The following SLC35F4 variants were observed in gnomAD, a reference collection of about 807,000 sequenced individuals.
The protein encoded by SLC35F4 is chromosome 14 open reading frame 36.
Under a neutral mutation model 44.2 loss-of-function variants are expected in SLC35F4, and 24 were observed. The observed-to-expected ratio is 0.54, with a 90% CI of 0.39 to 0.76. The LOEUF (loss-of-function observed/expected upper bound fraction) is 0.76, where lower values mean the gene tolerates loss of function less well. Among genes scored for constraint, SLC35F4 ranks in the 30% least tolerant of loss-of-function variants. The probability of loss-of-function intolerance (pLI) is 0.00; values close to 1 mark genes in which losing one functional copy is unlikely to be tolerated. For missense variants in SLC35F4, 562 were observed against 586.1 expected, an observed-to-expected ratio of 0.96 and a Z score of 0.42; for synonymous variants, 238 against 223.6, an observed-to-expected ratio of 1.06 and a Z score of -0.57.
chr14:57,866,694 G>C (rs1280054839), upstream of SLC35F4, among the ~76,000 whole-genome samples: 1 of 152,138 alleles, frequency 6.6e-6, no homozygotes, highest in Non-Finnish European at 1.5e-5. Flanking sequence ...CAAATGCTCT[G>C]AGGAGAAATG....
chr14:57,881,955 G>A (rs1178093035), intron 1 of SLC35F4, among the ~76,000 whole-genome samples: 1 of 152,122 alleles, frequency 6.6e-6, no homozygotes, highest in Non-Finnish European at 1.5e-5. Context: ...AAGAAGTTTA[G>A]CTTGCATAAT....
At chr14:57,953,198 G>T (rs1890173133) in intron 1 of SLC35F4, among the ~76,000 whole-genome samples, 1 of 152,070 alleles carries the variant, frequency 6.6e-6, no homozygotes, top group South Asian at 2.1e-4. Flanking sequence ...CATAAGCGAA[G>T]GAAAACTAAA....
At chr14:57,570,089 T>C (rs1240669806) in intron 5 of SLC35F4, 109 bp from the exon 6 acceptor site, 1 of 1,039,906 alleles carries the variant, frequency 9.6e-7, no homozygotes, top group Non-Finnish European at 1.3e-6. Flanking sequence ...TATTCTCCAT[T>C]TCTTCTTGCC....
At chr14:57,902,895 G>A (rs779532501) in intron 1 of SLC35F4, among the ~76,000 whole-genome samples, 4 of 151,960 alleles carry the variant, frequency 2.6e-5, no homozygotes, top group Non-Finnish European at 4.4e-5. Context: ...TTCTTAAATG[G>A]GACCCCATCA....
intron 1 of SLC35F4, among the ~76,000 whole-genome samples, chr14:57,694,185 C>T (rs533834620): frequency 6.6e-6 from 1 of 152,256 alleles, no homozygotes; most frequent in South Asian, 2.1e-4. Flanking sequence ...ACCTCTACCT[C>T]CAAGTATAAT....
At chr14:57,861,955 T>C (rs1231040542) in intron 1 of SLC35F4, among the ~76,000 whole-genome samples, 2 of 152,210 alleles carry the variant, frequency 1.3e-5, no homozygotes, top group East Asian at 3.8e-4. Flanking sequence ...ACCCAAGTAC[T>C]GGCAAATCCT....
intron 1 of SLC35F4, among the ~76,000 whole-genome samples, chr14:57,614,488 A>G (rs577989053): frequency 3.3e-5 from 5 of 152,364 alleles, no homozygotes; most frequent in Non-Finnish European, 7.3e-5. Flanking sequence ...AAGCTGATAC[A>G]TGGTGAGGTT....
chr14:57,588,605 C>A (rs1056539619), intron 3 of SLC35F4, among the ~76,000 whole-genome samples: 2 of 152,166 alleles, frequency 1.3e-5, no homozygotes, highest in African/African-American at 4.8e-5. Flanking sequence ...TTAAGCCCAA[C>A]CACCACTGTT....
chr14:57,964,495 T>A (rs1890397526), intron 1 of SLC35F4, among the ~76,000 whole-genome samples: 2 of 152,222 alleles, frequency 1.3e-5, no homozygotes, highest in African/African-American at 4.8e-5. Flanking sequence ...ATATGGAACC[T>A]ACTTTTCTAA....
At chr14:57,771,633 G>A (rs1442926476) in intron 1 of SLC35F4, among the ~76,000 whole-genome samples, 2 of 151,934 alleles carry the variant, frequency 1.3e-5, no homozygotes, top group African/African-American at 4.8e-5. Flanking sequence ...TCGCTCTATT[G>A]CCCAGGCTGG....
intron 1 of SLC35F4, among the ~76,000 whole-genome samples, chr14:57,637,685 A>G (rs905397023): frequency 6.6e-6 from 1 of 152,266 alleles, no homozygotes; most frequent in East Asian, 1.9e-4. Flanking sequence ...TACATATTCT[A>G]AATTACTGTT....
intron 1 of SLC35F4, among the ~76,000 whole-genome samples, chr14:57,793,303 T>C (rs1338205076): frequency 6.6e-6 from 1 of 152,038 alleles, no homozygotes; most frequent in Non-Finnish European, 1.5e-5. Context: ...GTTACATGGA[T>C]GAAACTGTAC....
intron 1 of SLC35F4, among the ~76,000 whole-genome samples, chr14:57,628,921 T>G (rs951876009): frequency 6.6e-6 from 1 of 152,134 alleles, no homozygotes; most frequent in Non-Finnish European, 1.5e-5. Flanking sequence ...TCATTTCAGC[T>G]GTATCTCATG....
At chr14:57,587,554 A>T (rs1407980290) in intron 3 of SLC35F4, among the ~76,000 whole-genome samples, 1 of 152,130 alleles carries the variant, frequency 6.6e-6, no homozygotes, top group East Asian at 1.9e-4. Context: ...CTCACTCATT[A>T]GTGGGAGTTG....
chr14:57,652,250 A>G (rs2073808788), intron 1 of SLC35F4, among the ~76,000 whole-genome samples: 1 of 152,208 alleles, frequency 6.6e-6, no homozygotes, highest in African/African-American at 2.4e-5. Context: ...TTTAATGACT[A>G]TCAATAAACC....
intron 1 of SLC35F4, among the ~76,000 whole-genome samples, chr14:57,964,308 T>A (rs1465412232): frequency 6.6e-6 from 1 of 151,748 alleles, no homozygotes; most frequent in African/African-American, 2.4e-5. Context: ...GGCAGAAGTA[T>A]CAGAATAGGA....
intron 1 of SLC35F4, among the ~76,000 whole-genome samples, chr14:57,707,666 G>A (rs1453463308): frequency 6.6e-6 from 1 of 152,144 alleles, no homozygotes; most frequent in Non-Finnish European, 1.5e-5. Flanking sequence ...GAAGATACCT[G>A]AGAATGTGGA....
chr14:57,799,725 C>G (rs779217833), intron 1 of SLC35F4, among the ~76,000 whole-genome samples: 5 of 152,260 alleles, frequency 3.3e-5, no homozygotes, highest in Non-Finnish European at 5.9e-5. Context: ...CAATGCAGCA[C>G]AGCTGCCTTG....
At chr14:57,751,251 C>A (rs1344624061) in intron 1 of SLC35F4, among the ~76,000 whole-genome samples, 4 of 152,152 alleles carry the variant, frequency 2.6e-5, no homozygotes, top group African/African-American at 9.7e-5. Context: ...ACCCTGTGCT[C>A]CTAACCACTT....
Sources: gnomAD v4.1 joint callset for allele counts (sites outside exome capture counted in the v4.1 genomes callset) on GRCh38, gnomAD v4.1.1 for gene constraint, MANE v1.5 for transcripts, NCBI Gene and HGNC (gene_info 2026-07-23, HGNC 2026-07-21) for gene names.